Variants in ZNF776 observed in about 807,000 individuals in gnomAD.
ZNF776 encodes zinc finger protein 776.
In ZNF776, 4 loss-of-function variants were observed where a neutral mutation model predicts 7.0. The observed-to-expected ratio is 0.57, with a 90% CI of 0.28 to 1.31. The LOEUF is 1.31. ZNF776 is among the 50% of genes most tolerant of loss of function. ZNF776 has a pLI of 0.10. For synonymous variants in ZNF776, 212 were observed against 213.7 expected (o/e 0.99, Z 0.07); for missense variants, 555 against 625.9 (o/e 0.89, Z 1.21).
chr19:57,750,729 G>A, intron 1 of ZNF776, 56 bp from the exon 2 acceptor site: 1 of 1,560,746 alleles, frequency 6.4e-7, no homozygotes, highest in South Asian at 1.2e-5. Flanking sequence ...GGCAAGGGTG[G>A]ATAAGTGGAT....
chr19:57,751,789 C>T (rs1309667612), intron 2 of ZNF776, among the ~76,000 whole-genome samples: 2 of 151,580 alleles, frequency 1.3e-5, no homozygotes, highest in Non-Finnish European at 2.9e-5. Flanking sequence ...AATCCTCCCA[C>T]CTGACTCCTA....
chr19:57,750,291 G>A (rs909718250), intron 1 of ZNF776, among the ~76,000 whole-genome samples: 3 of 151,734 alleles, frequency 2.0e-5, no homozygotes, highest in Non-Finnish European at 2.9e-5. Context: ...AAAATTAGCC[G>A]GCACGGTGGC....
chr19:57,756,950 T>C lies in ZNF776; in HGVS notation c.*2263T>C. ...TCACTGCGGCCTCAAACTCCTGGGC[T>C]CAAGTGATCCTCCTGCCTCAGCCTC... On this transcript the variant is annotated 3_prime_UTR_variant, in exon 3 of 3. Coordinates refer to ENST00000317178, the MANE Select transcript of ZNF776 (RefSeq NM_173632.4). 2.3e-6 allele frequency: 1 copy of C among 427,190 alleles called. No homozygotes were observed. The highest frequency in any genetic ancestry group is 4.7e-6 in the Non-Finnish European group (1 of 214,580). 26.5% of individuals were successfully genotyped at this position (427,190 alleles called of 1,614,324 possible). A position where few individuals can be genotyped will look rare whatever the true frequency, so the allele number is the denominator to read the frequency against.
intron 1 of ZNF776, among the ~76,000 whole-genome samples, chr19:57,749,482 A>G (rs1986540915): frequency 6.6e-6 from 1 of 152,200 alleles, no homozygotes; most frequent in Non-Finnish European, 1.5e-5. Context: ...TTGTGTTATT[A>G]TTGGATCCTG....
intron 1 of ZNF776, 105 bp downstream of exon 1, chr19:57,747,196 G>T: frequency 7.7e-7 from 1 of 1,302,076 alleles, no homozygotes; most frequent in Non-Finnish European, 1.1e-6. Flanking sequence ...TGAACCCGGC[G>T]TCGGGACACT....
At position 57,754,027 on chromosome 19, in the gene ZNF776, A is replaced by G; in HGVS notation, c.897A>G (p.Lys299=). 3 of 1,613,606 alleles carry G rather than the reference A, an allele frequency of 1.9e-6. No individual in the cohort carries two copies. The highest frequency in any genetic ancestry group is 2.2e-5 in the South Asian group (2 of 91,058). The change falls in exon 3 of 3, where the codon AAA becomes AAG. Residue 299 remains lysine, a synonymous_variant. Coordinates refer to ENST00000317178, the MANE Select transcript of ZNF776 (RefSeq NM_173632.4). ...CTTATGAGTGTGGAGAATGTGATAA[A>G]TCTTTTAGTCATAAGCACAGTCTTG... ...ERPYECGECD[K]SFSHKHSLVD... is the part of the protein sequence containing the mutation.
intron 2 of ZNF776, among the ~76,000 whole-genome samples, chr19:57,751,868 G>GGTTTTTTT (rs1986613708): frequency 4.4e-5 from 3 of 67,528 alleles, no homozygotes; most frequent in African/African-American, 1.7e-4. Context: ...TTTTGGTTTT[G>GGTTTTTTT]TTTTTTTTTT....
In ZNF776 at chr19:57,753,463, G is replaced by T; in HGVS notation, c.333G>T (p.Gln111His). Residue 111 changes from glutamine (Q) to histidine (H), a missense_variant, in exon 3 of 3, where the codon CAG (glutamine) becomes CAT (histidine). Gln to His is a conservative substitution (Grantham distance 24, BLOSUM62 0). Transcript: ENST00000317178. ...DILHQGTQHN[Q>H]KLNGFGAYEK... Reference sequence around the variant, plus strand: ...TACACCAGGGAACACAACACAATCAGAAATTGAATGGGTTTGGGGCATATG... The same window carrying T: ...TACACCAGGGAACACAACACAATCATAAATTGAATGGGTTTGGGGCATATG... 8.7e-6 allele frequency: 14 copies of T among 1,614,126 alleles called. No individual in the cohort carries two copies. Among genetic ancestry groups the T allele is most frequent in the Non-Finnish European group, 1.2e-5 (14 of 1,180,020 alleles).
In ZNF776 at chr19:57,754,928, T is replaced by C; in HGVS notation, c.*241T>C. 2 of 534,986 alleles carry C rather than the reference T, an allele frequency of 3.7e-6. No homozygotes were observed. The highest frequency in any genetic ancestry group is 6.6e-6 in the Non-Finnish European group (2 of 301,384). 33.1% of individuals were successfully genotyped at this position (534,986 alleles called of 1,614,324 possible). A position where few individuals can be genotyped will look rare whatever the true frequency, so the allele number is the denominator to read the frequency against. ...AGGGTCACACTGGAGAAAGACCCTA[T>C]AGTTATGGGGAATTTGGGAAATTAC... On this transcript the variant is annotated 3_prime_UTR_variant, in exon 3 of 3. Coordinates refer to ENST00000317178, the MANE Select transcript of ZNF776 (RefSeq NM_173632.4).
Position 57,751,466 on chromosome 19 carries a change from A to G in ZNF776, c.160+555A>G, listed in dbSNP as rs146466159. ...AGCCTCAATCTCCCAGGCTCAAGCAATCCTCCTTCCTCAGCCTCTAGAGTA... is the reference window on the plus strand; with the variant it reads ...AGCCTCAATCTCCCAGGCTCAAGCAGTCCTCCTTCCTCAGCCTCTAGAGTA... On this transcript the variant is annotated intron_variant, in intron 2 of 2. Coordinates refer to ENST00000317178, the MANE Select transcript of ZNF776 (RefSeq NM_173632.4). Among the ~76,000 whole-genome samples, 264 of 152,176 alleles carry G rather than the reference A, an allele frequency of 1.7e-3. 3 individuals carry two copies. The highest frequency in any genetic ancestry group is 5.8e-3 in the African/African-American group (240 of 41,508).
chr19:57,753,026 A>G (rs779033774), intron 2 of ZNF776, among the ~76,000 whole-genome samples: 2 of 152,366 alleles, frequency 1.3e-5, no homozygotes, highest in South Asian at 2.1e-4. Flanking sequence ...AGTCTTCTTC[A>G]TATTACTGGG....
chr19:57,754,793 A>T lies in ZNF776; in HGVS notation c.*106A>T. The T allele has an allele frequency of 8.2e-7, 1 of 1,215,756 alleles. No individual in the cohort carries two copies. Among genetic ancestry groups the T allele is most frequent in the Non-Finnish European group, 1.1e-6 (1 of 870,270 alleles). 75.3% of individuals were successfully genotyped at this position (1,215,756 alleles called of 1,614,324 possible). Reference sequence around the variant, plus strand: ...GAGAATGTGCAAAATCATCTAGCCAAAAGGTTGGCCTCATTCAACAATAGC... The same window carrying T: ...GAGAATGTGCAAAATCATCTAGCCATAAGGTTGGCCTCATTCAACAATAGC... On this transcript the variant is annotated 3_prime_UTR_variant, in exon 3 of 3. Transcript: ENST00000317178.
Position 57,756,979 on chromosome 19 carries a change from A to G in ZNF776, c.*2292A>G. The G allele has an allele frequency of 2.6e-6, 1 of 391,542 alleles. No homozygotes were observed. The highest frequency in any genetic ancestry group is 1.8e-5 in the South Asian group (1 of 54,454). The allele number at this position is 391,542 out of a possible 1,614,324, so 24.3% of individuals were successfully genotyped here. A position where few individuals can be genotyped will look rare whatever the true frequency, so the allele number is the denominator to read the frequency against. ...GTGATCCTCCTGCCTCAGCCTCCCG[A>G]GTACCTGAGATTAGCCCAGGTAATT... is the stretch of plus-strand genomic sequence containing the variant. On this transcript the variant is annotated 3_prime_UTR_variant, in exon 3 of 3. Transcript: ENST00000317178.
chr19:57,753,399 A>G lies in ZNF776; in HGVS notation c.269A>G (p.His90Arg), dbSNP rs777519447. The change falls in exon 3 of 3, where the codon CAC becomes CGC. Residue 90 changes from histidine (H) to arginine (R), a missense_variant. Physicochemically the swap from His to Arg is conservative, Grantham distance 29 (BLOSUM62 0). Coordinates refer to ENST00000317178, the MANE Select transcript of ZNF776 (RefSeq NM_173632.4). ...HWTGVCTKKV[H>R]LWGMCGPLLG... The stretch of plus-strand genomic sequence containing the variant: ...ACAGGTGTATGTACCAAGAAGGTCC[A>G]CCTCTGGGGAATGTGTGGCCCTCTC... The G allele has an allele frequency of 1.4e-5, 22 of 1,614,230 alleles. No individual in the cohort carries two copies. In the Admixed American group the frequency reaches 3.7e-4, roughly 27 times the overall value.
In ZNF776 at chr19:57,754,336, A is replaced by T. The variant is rs777683219; in HGVS notation, c.1206A>T (p.Arg402Ser). 32 of 1,613,892 alleles carry T rather than the reference A, an allele frequency of 2.0e-5. 1 individual carries two copies. The highest frequency in any genetic ancestry group is 4.4e-5 in the South Asian group (4 of 91,086). ...ACCAGAGAGTTCACACTGGAGAAAG[A>T]CCCTATGAGTGTAAAGAATGTAGGA... Reference protein sequence around the residue: ...KEHQRVHTGERPYECKECRKS... With the variant: ...KEHQRVHTGESPYECKECRKS... The change falls in exon 3 of 3, where the codon AGA (arginine) becomes AGT (serine). Residue 402 changes from arginine (R) to serine (S), a missense_variant. Coordinates refer to ENST00000317178, the MANE Select transcript of ZNF776 (RefSeq NM_173632.4).
rs1471330428 is a variant in ZNF776 at position 57,750,922 on chromosome 19, C to T, written c.160+11C>T. On this transcript the variant is annotated intron_variant, in intron 2 of 2. Transcript: ENST00000317178. The stretch of plus-strand genomic sequence containing the variant: ...TTATATCTTCTCTAGGTAAGGCACT[C>T]ACACTCTTCTCTATGACCTCAGCTA... 2 of 1,602,464 alleles carry T rather than the reference C, an allele frequency of 1.2e-6. No individual in the cohort carries two copies. Among genetic ancestry groups the T allele is most frequent in the Non-Finnish European group, 1.7e-6 (2 of 1,173,980 alleles).
Position 57,753,614 on chromosome 19 carries a change from G to A in ZNF776, c.484G>A (p.Glu162Lys), listed in dbSNP as rs773911379. 7 of 1,614,064 alleles carry A rather than the reference G, an allele frequency of 4.3e-6. No homozygotes were observed. In the African/African-American group the frequency reaches 5.3e-5, roughly 12 times the overall value. The change falls in exon 3 of 3, where the codon GAG becomes AAG. Residue 162 changes from glutamate to lysine, a missense_variant. Transcript: ENST00000317178. ...GAACTGTAAATTCCATATGTCACAT[G>A]AGCCATTTATCTTTCATGAGGTTGG... ...VKNCKFHMSH[E>K]PFIFHEVGKD...
chr19:57,750,330 G>T (rs965122972), intron 1 of ZNF776, among the ~76,000 whole-genome samples: 1 of 151,718 alleles, frequency 6.6e-6, no homozygotes, highest in African/African-American at 2.4e-5. Flanking sequence ...TACTCGGGAG[G>T]CTAAGGCCAG....
In ZNF776 at chr19:57,753,467, T is replaced by C; in HGVS notation, c.337T>C (p.Leu113=). Residue 113 remains leucine (L), a synonymous_variant, in exon 3 of 3, where the codon TTG becomes CTG. Coordinates refer to ENST00000317178, the MANE Select transcript of ZNF776 (RefSeq NM_173632.4). Reference sequence around the variant, plus strand: ...CCAGGGAACACAACACAATCAGAAATTGAATGGGTTTGGGGCATATGAAAA... The same window carrying C: ...CCAGGGAACACAACACAATCAGAAACTGAATGGGTTTGGGGCATATGAAAA... The part of the protein sequence containing the change: ...LHQGTQHNQK[L]NGFGAYEKKL... The C allele has an allele frequency of 2.5e-6, 4 of 1,614,074 alleles. No individual in the cohort carries two copies. The highest frequency in any genetic ancestry group is 3.4e-6 in the Non-Finnish European group (4 of 1,180,014).
Sources: allele counts gnomAD v4.1 joint callset (sites outside exome capture counted in the v4.1 genomes callset), GRCh38; gene constraint gnomAD v4.1.1; transcripts MANE v1.5; gene names NCBI Gene and HGNC (gene_info 2026-07-23, HGNC 2026-07-21).